MGAT5: variants seen among roughly 807,000 people sequenced by gnomAD.
The protein encoded by MGAT5 is alpha-1,6-mannosylglycoprotein 6-beta-N-acetylglucosaminyltransferase.
In MGAT5, 30 loss-of-function variants were observed where a neutral mutation model predicts 94.3. The ratio of observed to expected loss-of-function variants is 0.32; its 90% confidence interval spans 0.24 to 0.43. MGAT5 has a LOEUF of 0.43. Among genes scored for constraint, MGAT5 ranks in the 20% least tolerant of loss-of-function variants. The pLI, the probability that MGAT5 is intolerant of heterozygous loss-of-function variation, is 1.00. For synonymous variants in MGAT5, 310 were observed against 322.9 expected, an observed-to-expected ratio of 0.96 and a Z score of 0.43; for missense variants, 691 against 905.5, an observed-to-expected ratio of 0.76 and a Z score of 3.04.
At chr2:134,288,682 G>T (rs1356437688) in intron 2 of MGAT5, among the ~76,000 whole-genome samples, 2 of 152,158 alleles carry the variant, frequency 1.3e-5, no homozygotes, top group Non-Finnish European at 2.9e-5. Context: ...ATAAATGACA[G>T]TGGCAGTCAT....
At chr2:134,393,096 C>T (rs1376019625) in intron 10 of MGAT5, among the ~76,000 whole-genome samples, 3 of 152,202 alleles carry the variant, frequency 2.0e-5, no homozygotes, top group East Asian at 1.9e-4. Context: ...TGAATACCCA[C>T]GTGAGATAAT....
At chr2:134,442,656 T>C (rs1453858577) in intron 15 of MGAT5, among the ~76,000 whole-genome samples, 2 of 152,158 alleles carry the variant, frequency 1.3e-5, no homozygotes, top group East Asian at 3.9e-4. Flanking sequence ...TCCCTTTGCA[T>C]TGGCATTTTG....
chr2:134,183,433 C>T (rs1688848711), intron 1 of MGAT5, among the ~76,000 whole-genome samples: 1 of 152,156 alleles, frequency 6.6e-6, no homozygotes, highest in South Asian at 2.1e-4. Flanking sequence ...AAGATGTGAC[C>T]AGTGAGCTGG....
intron 15 of MGAT5, among the ~76,000 whole-genome samples, chr2:134,444,872 C>T (rs948283724): frequency 3.9e-5 from 6 of 152,224 alleles, no homozygotes; most frequent in African/African-American, 1.4e-4. Flanking sequence ...AAGAGGCCAC[C>T]GCAGAGCACG....
At chr2:134,252,026 C>T (rs1176102278), upstream of MGAT5, among the ~76,000 whole-genome samples, 1 of 152,198 alleles carries the variant, frequency 6.6e-6, no homozygotes, top group East Asian at 1.9e-4. Context: ...AGCATAATGT[C>T]CTTCGGGTAT....
intron 10 of MGAT5, among the ~76,000 whole-genome samples, chr2:134,401,931 G>C (rs139095178): frequency 4.6e-5 from 7 of 152,258 alleles, no homozygotes; most frequent in African/African-American, 1.4e-4. Flanking sequence ...ATCATGAATC[G>C]CTTCATTTAG....
intron 1 of MGAT5, among the ~76,000 whole-genome samples, chr2:134,186,443 C>T (rs955428953): frequency 1.4e-5 from 2 of 147,324 alleles, no homozygotes; most frequent in Non-Finnish European, 3.0e-5. Flanking sequence ...TTTGAGATGT[C>T]AGTGCCACTT....
At chr2:134,348,238 G>A (rs1454012207) in intron 8 of MGAT5, among the ~76,000 whole-genome samples, 2 of 152,096 alleles carry the variant, frequency 1.3e-5, no homozygotes, top group African/African-American at 2.4e-5. Flanking sequence ...TTCTTTTTTC[G>A]GGACTGTGGG....
In MGAT5 at chr2:134,387,332, A is replaced by ATATATATATTT; in HGVS notation, c.1381-15655_1381-15654insATATATATTTT. 9.5e-4 allele frequency among the ~76,000 whole-genome samples: 23 copies of ATATATATATTT among 24,258 alleles called. 2 individuals are homozygous for ATATATATATTT. Among genetic ancestry groups the ATATATATATTT allele is most frequent in the Non-Finnish European group, 1.2e-3 (19 of 15,602 alleles). The allele number at this position is 24,258 out of a possible 152,430, so 15.9% of individuals were successfully genotyped here. A position where few individuals can be genotyped will look rare whatever the true frequency, so the allele number is the denominator to read the frequency against. On this transcript the variant is annotated intron_variant, in intron 10 of 15. Coordinates refer to ENST00000281923, the MANE Select transcript of MGAT5 (RefSeq NM_002410.5). The stretch of plus-strand genomic sequence containing the variant: ...TATATATATATATATATATATATAT[A>ATATATATATTT]TTTTTTTTTTTTTTTTTTTTTACCA...
At chr2:134,447,806 C>G (rs996544839) in intron 15 of MGAT5, among the ~76,000 whole-genome samples, 5 of 152,244 alleles carry the variant, frequency 3.3e-5, no homozygotes, top group African/African-American at 9.6e-5. Flanking sequence ...GGAAGCAAAG[C>G]CACCAGGCTC....
In MGAT5 at chr2:134,188,707, A is replaced by G. The variant is rs1022510688; in HGVS notation, c.-142-65555A>G. On this transcript the variant is annotated intron_variant, in intron 1 of 16. Coordinates refer to the MGAT5 transcript ENST00000409645. ...GTTCTGACACCTCCTAGTATACTAC[A>G]ATATAATTCTATTGTAACCACCCAG... 9.2e-5 allele frequency among the ~76,000 whole-genome samples: 14 copies of G among 152,258 alleles called. No homozygotes were observed. The East Asian group carries it at 2.7e-3, about 29-fold the overall frequency.
At chr2:134,237,951 A>T (rs967264300) in intron 1 of MGAT5, among the ~76,000 whole-genome samples, 2 of 152,058 alleles carry the variant, frequency 1.3e-5, no homozygotes, top group Non-Finnish European at 2.9e-5. Context: ...GTGTTTCACC[A>T]TGTTGGCCAG....
At chr2:134,383,757 G>A (rs551874089) in intron 10 of MGAT5, among the ~76,000 whole-genome samples, 1 of 151,104 alleles carries the variant, frequency 6.6e-6, no homozygotes, top group African/African-American at 2.4e-5. Context: ...AGGCTGGAGT[G>A]CAGTGGCACG....
chr2:134,425,437 T>G (rs1684524757), intron 13 of MGAT5, among the ~76,000 whole-genome samples: 1 of 152,124 alleles, frequency 6.6e-6, no homozygotes, highest in Non-Finnish European at 1.5e-5. Flanking sequence ...TTTTGTTTCT[T>G]TCTTTCTTTT....
intron 1 of MGAT5, among the ~76,000 whole-genome samples, chr2:134,178,530 C>G (rs904749691): frequency 1.3e-5 from 2 of 152,174 alleles, no homozygotes; most frequent in Non-Finnish European, 2.9e-5. Context: ...CTCCCACAGG[C>G]CAGCACTACT....
intron 1 of MGAT5, chr2:134,127,277 A>T (rs1426043570): frequency 6.5e-6 from 1 of 154,726 alleles, no homozygotes; most frequent in African/African-American, 2.4e-5. Flanking sequence ...TCTGTAAAAA[A>T]GTTCTAGTCT....
At chr2:134,214,619 G>T (rs985933090) in intron 1 of MGAT5, among the ~76,000 whole-genome samples, 1 of 151,970 alleles carries the variant, frequency 6.6e-6, no homozygotes, top group Non-Finnish European at 1.5e-5. Context: ...GGGAACTAGG[G>T]AGTAAGACCA....
At chr2:134,446,100 C>T (rs530583878) in intron 15 of MGAT5, among the ~76,000 whole-genome samples, 2 of 152,116 alleles carry the variant, frequency 1.3e-5, no homozygotes, top group African/African-American at 4.8e-5. Context: ...GAGGAGCTGC[C>T]TGGTGTCGGG....
intron 15 of MGAT5, among the ~76,000 whole-genome samples, chr2:134,443,565 A>G (rs935262128): frequency 6.6e-6 from 1 of 152,182 alleles, no homozygotes; most frequent in Admixed American, 6.5e-5. Flanking sequence ...TTCCACCATG[A>G]AAACAAAAGC....
Sources: allele counts gnomAD v4.1 joint callset (sites outside exome capture counted in the v4.1 genomes callset), GRCh38; gene constraint gnomAD v4.1.1; transcripts MANE v1.5; gene names NCBI Gene and HGNC (gene_info 2026-07-23, HGNC 2026-07-21).